The following SKA1 variants were observed in gnomAD, a reference collection of about 807,000 sequenced individuals.
SKA1 encodes the protein spindle and kinetochore associated complex subunit 1.
In SKA1, 20 loss-of-function variants were observed where a neutral mutation model predicts 31.8. The observed-to-expected ratio is 0.63, with a 90% CI of 0.44 to 0.91. The LOEUF is 0.91. Among genes scored for constraint, SKA1 ranks in the 40% least tolerant of loss-of-function variants. The probability of loss-of-function intolerance (pLI) is 0.00; values close to 1 mark genes in which losing one functional copy is unlikely to be tolerated. For synonymous variants in SKA1, 88 were observed against 100.5 expected, an observed-to-expected ratio of 0.88 and a Z score of 0.74; for missense variants, 253 against 298.2, an observed-to-expected ratio of 0.85 and a Z score of 1.12.
intron 4 of SKA1, 37 bp downstream of exon 4, chr18:50,382,263 T>C (rs777979216): frequency 5.5e-6 from 7 of 1,272,940 alleles, no homozygotes; most frequent in African/African-American, 3.2e-5. Flanking sequence ...TATCTGGATT[T>C]ATAAACCCAT....
At chr18:50,391,430 C>T (rs1366433294) in intron 6 of SKA1, 137 bp downstream of exon 6, 2 of 889,004 alleles carry the variant, frequency 2.2e-6, no homozygotes, top group African/African-American at 3.5e-5. Context: ...TACCAGGAGA[C>T]ATTTTACCAT....
At chr18:50,382,325 C>A in intron 4 of SKA1, 99 bp downstream of exon 4, 1 of 656,670 alleles carries the variant, frequency 1.5e-6, no homozygotes, top group Admixed American at 3.8e-5. Flanking sequence ...GCAGTTTTGT[C>A]AGCGATGATC....
intron 3 of SKA1, among the ~76,000 whole-genome samples, chr18:50,380,642 A>G (rs7228766): frequency 6.6e-6 from 1 of 151,986 alleles, no homozygotes; most frequent in Non-Finnish European, 1.5e-5. Flanking sequence ...GGTTTCAAGA[A>G]CCTCATCTGA....
rs551146992 is a variant in SKA1 at position 50,389,540 on chromosome 18, C to T, written c.450-1584C>T. On this transcript the variant is annotated intron_variant, in intron 5 of 6. Coordinates refer to ENST00000285116, the MANE Select transcript of SKA1 (RefSeq NM_145060.4). ...CCTCCCAAGTAGCTGGGACCACAGGCGTGTGCCACCACACCCAGCTAATTT... is the reference window on the plus strand; with the variant it reads ...CCTCCCAAGTAGCTGGGACCACAGGTGTGTGCCACCACACCCAGCTAATTT... Among the ~76,000 whole-genome samples the T allele has an allele frequency of 5.3e-5, 8 of 151,922 alleles. 1 individual carries two copies. In the South Asian group the frequency reaches 1.5e-3, roughly 28 times the overall value.
At chr18:50,383,188 A>G (rs1370319777) in intron 4 of SKA1, among the ~76,000 whole-genome samples, 1 of 152,052 alleles carries the variant, frequency 6.6e-6, no homozygotes, top group Non-Finnish European at 1.5e-5. Flanking sequence ...TGTCATTGCC[A>G]CCACACCTAG....
At chr18:50,388,281 G>T (rs112216363) in intron 5 of SKA1, among the ~76,000 whole-genome samples, 1 of 151,978 alleles carries the variant, frequency 6.6e-6, no homozygotes, top group South Asian at 2.1e-4. Flanking sequence ...TAGTAGAGAC[G>T]GGGTTTCACC....
In SKA1 at chr18:50,391,960, A is replaced by G. The variant is rs1022894636; in HGVS notation, c.620-139A>G. 5.3e-6 allele frequency: 3 copies of G among 562,402 alleles called. No homozygotes were observed. The Admixed American group carries it at 1.1e-4, about 20-fold the overall frequency. 34.8% of individuals were successfully genotyped at this position (562,402 alleles called of 1,614,324 possible). ...CTGTTGATAGAATAATTATTATTTT[A>G]GCAAGAATACTAGTTCTTGGTTTTA... On this transcript the variant is annotated intron_variant, in intron 6 of 6. Transcript: ENST00000285116.
At chr18:50,390,702 TTC>T (rs1328390420) in intron 5 of SKA1, among the ~76,000 whole-genome samples, 11 of 152,210 alleles carry the variant, frequency 7.2e-5, no homozygotes, top group Admixed American at 3.3e-4. Flanking sequence ...CCTCCTTTTT[TTC>T]TCTTTCTTTC....
intron 4 of SKA1, among the ~76,000 whole-genome samples, chr18:50,384,600 T>A (rs1213884689): frequency 1.3e-5 from 2 of 151,422 alleles, no homozygotes; most frequent in Non-Finnish European, 2.9e-5. Flanking sequence ...TAACTGATGT[T>A]TCCAGATTCA....
chr18:50,376,422 G>C (rs1026725971), intron 2 of SKA1, among the ~76,000 whole-genome samples: 12 of 152,122 alleles, frequency 7.9e-5, no homozygotes, highest in African/African-American at 2.9e-4. Flanking sequence ...GAATACCTTA[G>C]GCAAGTGTAA....
chr18:50,391,647 A>G (rs981562323), intron 6 of SKA1, among the ~76,000 whole-genome samples: 33 of 152,242 alleles, frequency 2.2e-4, no homozygotes, highest in Admixed American at 1.6e-3. Flanking sequence ...GAAATTGAAT[A>G]GTAATGATAA....
chr18:50,385,098 G>T, intron 4 of SKA1, 118 bp from the exon 5 acceptor site: 1 of 765,700 alleles, frequency 1.3e-6, no homozygotes, highest in Non-Finnish European at 2.0e-6. Context: ...AAAAATGTTG[G>T]CAATAAGATT....
chr18:50,391,014 G>C, intron 5 of SKA1, 110 bp from the exon 6 acceptor site: 1 of 667,870 alleles, frequency 1.5e-6, no homozygotes, highest in East Asian at 3.2e-5. Context: ...TTTTATAAAG[G>C]GTACTGTAGT....
intron 4 of SKA1, 45 bp downstream of exon 4, chr18:50,382,271 C>A: frequency 8.2e-7 from 1 of 1,214,036 alleles, no homozygotes. Context: ...TTTATAAACC[C>A]ATGAAAACAA....
intron 6 of SKA1, 126 bp downstream of exon 6, chr18:50,391,419 C>T (rs2041356119): frequency 4.2e-6 from 4 of 954,638 alleles, no homozygotes; most frequent in Non-Finnish European, 1.5e-6. Flanking sequence ...AGCAGTTATC[C>T]TACCAGGAGA....
At chr18:50,382,279 C>T in intron 4 of SKA1, 53 bp downstream of exon 4, 1 of 1,128,672 alleles carries the variant, frequency 8.9e-7, no homozygotes, top group Non-Finnish European at 1.2e-6. Context: ...CCCATGAAAA[C>T]AAGTTCTTCA....
In SKA1 at chr18:50,392,196, G is replaced by T. The variant is rs1250311280; in HGVS notation, c.717G>T (p.Arg239=). The T allele has an allele frequency of 6.2e-7, 1 of 1,605,334 alleles. No individual in the cohort carries two copies. The change falls in exon 7 of 7, where the codon CGG becomes CGT. Residue 239 remains arginine (R), a synonymous_variant. Coordinates refer to ENST00000285116, the MANE Select transcript of SKA1 (RefSeq NM_145060.4). ...TACTGAATATTTTACGACACTGCCGGAGGCTATCAGAGGTCCGAGGGGGAG... is the reference window on the plus strand; with the variant it reads ...TACTGAATATTTTACGACACTGCCGTAGGCTATCAGAGGTCCGAGGGGGAG... ...HVLLNILRHC[R]RLSEVRGGGL... is the part of the protein sequence containing the mutation.
rs377299454 is a variant in SKA1, at chr18:50,382,235, A to G, written c.311+9A>G. On this transcript the variant is annotated intron_variant, in intron 4 of 6. Coordinates refer to ENST00000285116, the MANE Select transcript of SKA1 (RefSeq NM_145060.4). ...ACAGTAACCCAGAGCTGGTAAGTGT[A>G]TTTATAATTATTCTTGCTATCTGGA... 2.1e-6 allele frequency: 3 copies of G among 1,421,798 alleles called. No homozygotes were observed. Among genetic ancestry groups the G allele is most frequent in the Non-Finnish European group, 1.9e-6 (2 of 1,064,538 alleles). The allele number at this position is 1,421,798 out of a possible 1,614,324, so 88.1% of individuals were successfully genotyped here. A position where few individuals can be genotyped will look rare whatever the true frequency, so the allele number is the denominator to read the frequency against.
Position 50,385,221 on chromosome 18 carries a change from A to G in SKA1, c.317A>G (p.Lys106Arg). 6.2e-7 allele frequency: 1 copy of G among 1,612,196 alleles called. No individual in the cohort carries two copies. Among genetic ancestry groups the G allele is most frequent in the East Asian group, 2.2e-5 (1 of 44,764 alleles). Residue 106 changes from lysine (K) to arginine (R), a missense_variant, in exon 5 of 7, where the codon AAG becomes AGG. Transcript: ENST00000285116. The stretch of plus-strand genomic sequence containing the variant: ...TGTACATCTGTATTCTGTAGTGTTA[A>G]GGGATCAGATCTTGATCCTGAAGAA... ...PQVTVTQSCVKGSDLDPEEPI... is the reference protein window; with the variant it reads ...PQVTVTQSCVRGSDLDPEEPI...
Sources: gnomAD v4.1 joint callset for allele counts (sites outside exome capture counted in the v4.1 genomes callset) on GRCh38, gnomAD v4.1.1 for gene constraint, MANE v1.5 for transcripts, NCBI Gene and HGNC (gene_info 2026-07-23, HGNC 2026-07-21) for gene names.